Variants in KCNQ5 observed in about 807,000 individuals in gnomAD.
KCNQ5 encodes the protein potassium voltage-gated channel subfamily KQT member 5.
KCNQ5 carries 30 observed loss-of-function variants against 98.2 expected under a neutral mutation model. The observed-to-expected ratio is 0.31, with a 90% CI of 0.23 to 0.41. The LOEUF is 0.41. Ranked by LOEUF, KCNQ5 falls within the 10% of genes least tolerant of loss-of-function variation. The pLI is 1.00. For synonymous variants in KCNQ5, 458 were observed against 449.4 expected, an observed-to-expected ratio of 1.02 and a Z score of -0.24; for missense variants, 835 against 1,182.5, an observed-to-expected ratio of 0.71 and a Z score of 4.31.
intron 1 of KCNQ5, among the ~76,000 whole-genome samples, chr6:72,961,473 T>A (rs1006285758): frequency 1.3e-5 from 2 of 151,246 alleles, no homozygotes; most frequent in Non-Finnish European, 3.0e-5. Context: ...GAAAAAAAAA[T>A]TAGCCGGGCG....
chr6:73,128,391 A>G (rs1027381933), intron 9 of KCNQ5, among the ~76,000 whole-genome samples: 1 of 152,172 alleles, frequency 6.6e-6, no homozygotes, highest in Non-Finnish European at 1.5e-5. Flanking sequence ...AAATGGGACA[A>G]GTTTTTTTCT....
At chr6:72,780,828 T>C (rs1773426111) in intron 1 of KCNQ5, among the ~76,000 whole-genome samples, 2 of 152,178 alleles carry the variant, frequency 1.3e-5, no homozygotes, top group South Asian at 4.1e-4. Flanking sequence ...ATAATAATTA[T>C]AAGCTGTCAC....
intron 1 of KCNQ5, among the ~76,000 whole-genome samples, chr6:72,851,360 A>G (rs1777247865): frequency 6.6e-6 from 1 of 152,154 alleles, no homozygotes; most frequent in South Asian, 2.1e-4. Context: ...ATCTGTATTA[A>G]TTAGCACTCA....
intron 1 of KCNQ5, among the ~76,000 whole-genome samples, chr6:72,916,959 A>G (rs772525308): frequency 3.9e-5 from 6 of 152,340 alleles, no homozygotes; most frequent in Middle Eastern, 6.8e-3. Flanking sequence ...AGAGATGTCT[A>G]ATATTTCCAC....
intron 2 of KCNQ5, among the ~76,000 whole-genome samples, chr6:73,025,343 C>T (rs906009369): frequency 5.9e-5 from 9 of 152,082 alleles, no homozygotes; most frequent in Admixed American, 2.0e-4. Context: ...ACACTTCAGC[C>T]GGGAGAGGTG....
At chr6:72,888,118 G>A (rs775800396) in intron 1 of KCNQ5, among the ~76,000 whole-genome samples, 3 of 151,986 alleles carry the variant, frequency 2.0e-5, no homozygotes, top group Non-Finnish European at 4.4e-5. Context: ...AGATAAAGAC[G>A]GTTAATACAT....
At chr6:72,992,872 C>G (rs1356962589) in intron 1 of KCNQ5, among the ~76,000 whole-genome samples, 1 of 58,260 alleles carries the variant, frequency 1.7e-5, no homozygotes, top group Non-Finnish European at 2.9e-5. Flanking sequence ...CAAAATCTCT[C>G]AGCATTTGCT....
At chr6:72,629,098 TG>T (rs945330254) in intron 1 of KCNQ5, among the ~76,000 whole-genome samples, 18 of 152,230 alleles carry the variant, frequency 1.2e-4, no homozygotes, top group African/African-American at 3.6e-4. Flanking sequence ...GCATACATAC[TG>T]ATTCATTTAC....
chr6:72,835,773 C>G (rs536957077), intron 1 of KCNQ5, among the ~76,000 whole-genome samples: 5 of 152,152 alleles, frequency 3.3e-5, no homozygotes, highest in Non-Finnish European at 4.4e-5. Flanking sequence ...AATCCATATA[C>G]CTCCCAAGCT....
At chr6:72,938,577 G>A (rs2150236615) in intron 1 of KCNQ5, among the ~76,000 whole-genome samples, 1 of 151,724 alleles carries the variant, frequency 6.6e-6, no homozygotes, top group Non-Finnish European at 1.5e-5. Context: ...TAGAGATGGG[G>A]TTTCACCATG....
chr6:72,913,696 A>G (rs1189800807), intron 1 of KCNQ5, among the ~76,000 whole-genome samples: 1 of 152,144 alleles, frequency 6.6e-6, no homozygotes, highest in Non-Finnish European at 1.5e-5. Context: ...GGGGAAGGAA[A>G]TATCTTCTCT....
chr6:72,676,523 A>G (rs1767415491), intron 1 of KCNQ5, among the ~76,000 whole-genome samples: 1 of 152,148 alleles, frequency 6.6e-6, no homozygotes, highest in South Asian at 2.1e-4. Flanking sequence ...TTCTGGAGTA[A>G]GCATCCTAAA....
At position 73,081,306 on chromosome 6, in the gene KCNQ5, G is replaced by C. The variant is rs371483025; in HGVS notation, c.918+3419G>C. Among the ~76,000 whole-genome samples the C allele has an allele frequency of 2.6e-5, 4 of 152,252 alleles. No homozygotes were observed. The East Asian group carries it at 5.8e-4, about 22-fold the overall frequency. The stretch of plus-strand genomic sequence containing the variant: ...GAGTTGCTGGAAAAGGGGATCTTCT[G>C]ATTGTTGGATAGAGCTCCATTTATT... On this transcript the variant is annotated intron_variant, in intron 5 of 13. Coordinates refer to ENST00000370398, the MANE Select transcript of KCNQ5 (RefSeq NM_019842.4).
intron 11 of KCNQ5, among the ~76,000 whole-genome samples, chr6:73,175,535 G>C (rs1195896993): frequency 6.6e-6 from 1 of 152,110 alleles, no homozygotes; most frequent in Non-Finnish European, 1.5e-5. Flanking sequence ...CTCAGGGTGA[G>C]CTTGCTGCCT....
intron 1 of KCNQ5, among the ~76,000 whole-genome samples, chr6:72,858,787 A>G (rs1378192005): frequency 1.3e-5 from 2 of 152,098 alleles, no homozygotes; most frequent in Non-Finnish European, 2.9e-5. Flanking sequence ...AAATCTATGC[A>G]TGTAATAAAA....
intron 1 of KCNQ5, among the ~76,000 whole-genome samples, chr6:72,937,769 A>AT (rs927082977): frequency 1.1e-4 from 17 of 152,138 alleles, no homozygotes; most frequent in South Asian, 8.3e-4. Context: ...TTAAAGTAAA[A>AT]TTTTTTTTAT....
chr6:72,855,982 G>A (rs896685781), intron 1 of KCNQ5, among the ~76,000 whole-genome samples: 6 of 152,150 alleles, frequency 3.9e-5, no homozygotes, highest in African/African-American at 1.4e-4. Flanking sequence ...GCAAAAATGA[G>A]AAGTTTTGTT....
intron 1 of KCNQ5, among the ~76,000 whole-genome samples, chr6:72,995,237 G>T (rs1372039341): frequency 6.6e-6 from 1 of 151,942 alleles, no homozygotes; most frequent in Non-Finnish European, 1.5e-5. Context: ...GCATGGTGGT[G>T]CACGCCTGGA....
At chr6:72,982,970 C>A (rs1436146365) in intron 1 of KCNQ5, among the ~76,000 whole-genome samples, 1 of 152,164 alleles carries the variant, frequency 6.6e-6, no homozygotes, top group African/African-American at 2.4e-5. Context: ...GTTGAAAATT[C>A]TTTTCTTTAA....
Sources: gnomAD v4.1 joint callset for allele counts (sites outside exome capture counted in the v4.1 genomes callset) on GRCh38, gnomAD v4.1.1 for gene constraint, MANE v1.5 for transcripts, NCBI Gene and HGNC (gene_info 2026-07-23, HGNC 2026-07-21) for gene names.